Variants in CFAP54 observed in about 807,000 individuals in gnomAD.
The protein encoded by CFAP54 is cilia and flagella associated protein 54.
In CFAP54, 290 loss-of-function variants were observed where a neutral mutation model predicts 370.4. The ratio of observed to expected loss-of-function variants is 0.78; its 90% CI spans 0.71 to 0.86. The LOEUF (loss-of-function observed/expected upper bound fraction) is 0.86. CFAP54 is among the 40% of genes least tolerant of loss of function. CFAP54 has a pLI of 0.00. For synonymous variants in CFAP54, 1,206 were observed against 1,236.5 expected (o/e 0.98, Z 0.52); for missense variants, 3,399 against 3,528.7 (o/e 0.96, Z 0.93).
chr12:96,728,743 G>A (rs1957876869), intron 50 of CFAP54, among the ~76,000 whole-genome samples: 1 of 152,160 alleles, frequency 6.6e-6, no homozygotes, highest in Non-Finnish European at 1.5e-5. Flanking sequence ...TTTGGAGGAG[G>A]AGAGGCGCTC....
At chr12:96,599,905 G>T (rs1956221132) in intron 26 of CFAP54, among the ~76,000 whole-genome samples, 1 of 151,986 alleles carries the variant, frequency 6.6e-6, no homozygotes, top group Non-Finnish European at 1.5e-5. Flanking sequence ...CTAGATATTA[G>T]CCCTTTGTCA....
At position 96,503,930 on chromosome 12, in the gene CFAP54, G is replaced by T. The variant is rs1293326502; in HGVS notation, c.468G>T (p.Gln156His). Reference sequence around the variant, plus strand: ...TACAATGCTATGGAAGATATCTTCAGCAGTTCAATACCAATTTTGATGAGA... The same window carrying T: ...TACAATGCTATGGAAGATATCTTCATCAGTTCAATACCAATTTTGATGAGA... Reference protein sequence around the residue: ...ALLQCYGRYLQQFNTNFDENK... With the variant: ...ALLQCYGRYLHQFNTNFDENK... The change falls in exon 3 of 68, where the codon CAG becomes CAT. Residue 156 changes from glutamine to histidine, a missense_variant. Around this residue, in one of 3 missense-constraint regions of CFAP54, gnomAD observed 559 missense variants for 576.7 expected, o/e 0.97. Transcript: ENST00000524981. 1 of 1,524,206 alleles carries T rather than the reference G, an allele frequency of 6.6e-7. No individual in the cohort carries two copies. The highest frequency in any genetic ancestry group is 1.4e-5 in the African/African-American group (1 of 72,528). 94.4% of individuals were successfully genotyped at this position (1,524,206 alleles called of 1,614,324 possible).
chr12:96,727,264 T>C (rs1301021531), intron 50 of CFAP54, among the ~76,000 whole-genome samples: 2 of 152,164 alleles, frequency 1.3e-5, no homozygotes, highest in South Asian at 4.1e-4. Flanking sequence ...CTGTCTAATG[T>C]TGACAGTGAG....
intron 65 of CFAP54, among the ~76,000 whole-genome samples, chr12:96,825,101 T>C (rs1418175414): frequency 6.6e-6 from 1 of 150,508 alleles, no homozygotes; most frequent in Non-Finnish European, 1.5e-5. Flanking sequence ...TGCACTATTT[T>C]TTTCAAGGCT....
At chr12:96,664,619 CGTATGT>C (rs1396704057) in intron 39 of CFAP54, among the ~76,000 whole-genome samples, 6 of 56,378 alleles carry the variant, frequency 1.1e-4, no homozygotes, top group Non-Finnish European at 9.3e-5. Context: ...TTACCAAGAA[CGTATGT>C]GTGTGTGTGT....
At chr12:96,735,007 G>T (rs1466411227) in intron 50 of CFAP54, among the ~76,000 whole-genome samples, 4 of 152,082 alleles carry the variant, frequency 2.6e-5, no homozygotes, top group Non-Finnish European at 5.9e-5. Flanking sequence ...TTAAAAAGAA[G>T]AAATTATAAC....
At chr12:96,823,545 A>C (rs1031646691) in intron 65 of CFAP54, among the ~76,000 whole-genome samples, 1 of 152,164 alleles carries the variant, frequency 6.6e-6, no homozygotes, top group Non-Finnish European at 1.5e-5. Context: ...GTACAGGGTG[A>C]ATGTAGTGGG....
chr12:96,845,906 G>A (rs1412100042), intron 66 of CFAP54, among the ~76,000 whole-genome samples: 1 of 152,196 alleles, frequency 6.6e-6, no homozygotes, highest in Non-Finnish European at 1.5e-5. Flanking sequence ...GAAGGAAGGA[G>A]AAACATACAC....
In CFAP54 at chr12:96,658,321, G is replaced by C. The variant is rs1565931641; in HGVS notation, c.5435G>C (p.Arg1812Thr). 6.2e-7 allele frequency: 1 copy of C among 1,614,076 alleles called. No homozygotes were observed. Among genetic ancestry groups the C allele is most frequent in the Non-Finnish European group, 8.5e-7 (1 of 1,180,002 alleles). Residue 1812 changes from arginine (R) to threonine (T), a missense_variant, in exon 38 of 68, where the codon AGG becomes ACG. This residue lies in a region of CFAP54 where 2,796 missense variants were observed against 2,869.7 expected (regional missense o/e 0.97). Transcript: ENST00000524981. Reference protein sequence around the residue: ...GPDITQQPCARYEAEYGEKIT... With the variant: ...GPDITQQPCATYEAEYGEKIT... ...GATATTACCCAACAACCTTGTGCAA[G>C]GTATGAGGCTGAATATGGAGAGAAG...
At chr12:96,795,099 A>G (rs1234171812) in intron 63 of CFAP54, among the ~76,000 whole-genome samples, 1 of 152,210 alleles carries the variant, frequency 6.6e-6, no homozygotes, top group Non-Finnish European at 1.5e-5. Context: ...ATCCACCTTC[A>G]GGTCTCTCAG....
chr12:96,567,200 T>C (rs1196002629), intron 19 of CFAP54, among the ~76,000 whole-genome samples: 1 of 152,140 alleles, frequency 6.6e-6, no homozygotes, highest in Non-Finnish European at 1.5e-5. Flanking sequence ...AGAAATGTCA[T>C]AGAGTGCTTG....
At chr12:96,802,776 G>C (rs1311569507) in intron 63 of CFAP54, among the ~76,000 whole-genome samples, 1 of 151,998 alleles carries the variant, frequency 6.6e-6, no homozygotes. Flanking sequence ...CTGTCATCTA[G>C]GTTTTAAGAC....
chr12:96,589,630 C>T (rs1242042740), intron 23 of CFAP54, 67 bp downstream of exon 23: 5 of 994,782 alleles, frequency 5.0e-6, no homozygotes, highest in East Asian at 5.2e-5. Context: ...GATGCGAAGC[C>T]TGGAATTATT....
chr12:96,811,791 A>G lies in CFAP54; in HGVS notation c.8906A>G (p.His2969Arg), dbSNP rs1269064115. ...LKPLKISDVRHSTYNSTCVGS... is the reference protein window; with the variant it reads ...LKPLKISDVRRSTYNSTCVGS... Reference sequence around the variant, plus strand: ...CCTCTGAAGATTTCAGATGTTAGACATTCCACTTATAACAGTACATGTGTT... The same window carrying G: ...CCTCTGAAGATTTCAGATGTTAGACGTTCCACTTATAACAGTACATGTGTT... The change falls in exon 64 of 68, where the codon CAT becomes CGT. Residue 2969 changes from histidine to arginine, a missense_variant. Physicochemically the swap from His to Arg is conservative, Grantham distance 29. Coordinates refer to ENST00000524981, the MANE Select transcript of CFAP54 (RefSeq NM_001306084.2). 3 of 1,526,300 alleles carry G rather than the reference A, an allele frequency of 2.0e-6. No homozygotes were observed. Among genetic ancestry groups the G allele is most frequent in the Admixed American group, 4.1e-5 (2 of 48,930 alleles). The allele number at this position is 1,526,300 out of a possible 1,614,324, so 94.5% of individuals were successfully genotyped here. A position where few individuals can be genotyped will look rare whatever the true frequency, so the allele number is the denominator to read the frequency against.
chr12:96,655,192 T>G (rs1006202989), intron 36 of CFAP54, among the ~76,000 whole-genome samples: 2 of 151,104 alleles, frequency 1.3e-5, no homozygotes, highest in Non-Finnish European at 3.0e-5. Context: ...TATATATGGT[T>G]TTTTTTTTCC....
intron 32 of CFAP54, among the ~76,000 whole-genome samples, chr12:96,635,114 G>A (rs950119528): frequency 6.6e-6 from 1 of 151,970 alleles, no homozygotes; most frequent in African/African-American, 2.4e-5. Flanking sequence ...TCTGTAACAC[G>A]AATTTTAAAG....
intron 19 of CFAP54, among the ~76,000 whole-genome samples, chr12:96,566,914 G>C (rs1196820657): frequency 5.3e-5 from 8 of 152,034 alleles, no homozygotes; most frequent in Admixed American, 5.2e-4. Context: ...TGCCTTTGTG[G>C]TCCCTGGATT....
chr12:96,646,255 G>A (rs1041859431), intron 33 of CFAP54: 3 of 151,872 alleles, frequency 2.0e-5, no homozygotes, highest in African/African-American at 7.3e-5. Flanking sequence ...AAATTTACAA[G>A]AAAAAAACAA....
chr12:96,755,945 C>T (rs1218257616), intron 56 of CFAP54, among the ~76,000 whole-genome samples: 2 of 113,496 alleles, frequency 1.8e-5, no homozygotes, highest in African/African-American at 2.6e-5. Context: ...GGATTACAAG[C>T]GTGAGCCACC....
Sources: gnomAD v4.1 joint callset for allele counts (sites outside exome capture counted in the v4.1 genomes callset) on GRCh38, gnomAD v4.1.1 for gene constraint, gnomAD v4.1.1 regional missense constraint, MANE v1.5 for transcripts, NCBI Gene and HGNC (gene_info 2026-07-23, HGNC 2026-07-21) for gene names.